The following OR2T33 variants were observed in gnomAD, a reference collection of about 807,000 sequenced individuals.
OR2T33 encodes olfactory receptor 2T33.
Under a neutral mutation model 14.0 loss-of-function variants are expected in OR2T33, and 10 were observed. The observed-to-expected ratio is 0.72, with a 90% CI of 0.44 to 1.22. The LOEUF (loss-of-function observed/expected upper bound fraction) is 1.22, where lower values mean the gene tolerates loss of function less well. Among genes scored for constraint, OR2T33 ranks in the 50% most tolerant of loss-of-function variants. The pLI is 0.00. For synonymous variants in OR2T33, 103 were observed against 159.4 expected (o/e 0.65, Z 2.66); for missense variants, 276 against 405.9 (o/e 0.68, Z 2.75).
chr1:248,277,563 C>T (rs1659461464), intron 1 of OR2T33, among the ~76,000 whole-genome samples: 1 of 152,088 alleles, frequency 6.6e-6, no homozygotes, highest in African/African-American at 2.4e-5. Context: ...TCTGGGTAGA[C>T]ACAGACTGCA....
In OR2T33 at chr1:248,273,019, T is replaced by C. The variant is rs771341885; in HGVS notation, c.796A>G (p.Thr266Ala). 8.7e-6 allele frequency: 14 copies of C among 1,613,900 alleles called. No individual in the cohort carries two copies. In the African/African-American group the frequency reaches 1.3e-4, roughly 15 times the overall value. Residue 266 changes from threonine to alanine, a missense_variant, in exon 2 of 2, where the codon ACT becomes GCT. Thr to Ala is a moderately conservative substitution (Grantham distance 58). Coordinates refer to ENST00000641220, the MANE Select transcript of OR2T33 (RefSeq NM_001004695.2). ...GCTGACACAACCTTGTCATGGTTAG[T>C]GGACCTATGGGATTTGGGTCTCATA... ...TYMRPKSHRS[T>A]NHDKVVSAFY...
chr1:248,275,146 C>T (rs1263652331), intron 1 of OR2T33, among the ~76,000 whole-genome samples: 1 of 152,182 alleles, frequency 6.6e-6, no homozygotes, highest in Non-Finnish European at 1.5e-5. Context: ...TAGACCTCAT[C>T]TCATACACAG....
chr1:248,276,819 G>A (rs1253785198), intron 1 of OR2T33, among the ~76,000 whole-genome samples: 1 of 151,950 alleles, frequency 6.6e-6, no homozygotes, highest in Non-Finnish European at 1.5e-5. Context: ...TCTTCTTTCA[G>A]GTATACAGAG....
chr1:248,276,145 T>C (rs1415354626), intron 1 of OR2T33, among the ~76,000 whole-genome samples: 4 of 152,050 alleles, frequency 2.6e-5, no homozygotes, highest in African/African-American at 9.7e-5. Flanking sequence ...CAGTTCACAA[T>C]AGGACTCACA....
At position 248,273,366 on chromosome 1, in the gene OR2T33, C is replaced by A; in HGVS notation, c.449G>T (p.Gly150Val). 1 of 1,612,148 alleles carries A rather than the reference C, an allele frequency of 6.2e-7. No homozygotes were observed. The highest frequency in any genetic ancestry group is 1.1e-5 in the South Asian group (1 of 90,994). ...LRMTMSCWLL[G>V]AADGLLQAVV... Reference sequence around the variant, plus strand: ...AGCCTGCAGGAGCCCGTCAGCTGCACCCAGGAGCCAACACGACATGGTCAT... The same window carrying A: ...AGCCTGCAGGAGCCCGTCAGCTGCAACCAGGAGCCAACACGACATGGTCAT... Residue 150 changes from glycine to valine, a missense_variant, in exon 2 of 2, where the codon GGT becomes GTT. Transcript: ENST00000641220.
In OR2T33 at chr1:248,273,380, C is replaced by T. The variant is rs755954026; in HGVS notation, c.435G>A (p.Ser145=). 22 of 1,611,226 alleles carry T rather than the reference C, an allele frequency of 1.4e-5. 1 individual carries two copies. The highest frequency in any genetic ancestry group is 8.9e-5 in the East Asian group (4 of 44,828). Residue 145 remains serine, a synonymous_variant, in exon 2 of 2, where the codon TCG becomes TCA. Transcript: ENST00000641220. Reference sequence around the variant, plus strand: ...CGTCAGCTGCACCCAGGAGCCAACACGACATGGTCATCCTCAGGCACAGCT... The same window carrying T: ...CGTCAGCTGCACCCAGGAGCCAACATGACATGGTCATCCTCAGGCACAGCT... The part of the protein sequence containing the change: ...SWQLCLRMTM[S]CWLLGAADGL...
chr1:248,274,006 T>C (rs994977989), intron 1 of OR2T33, among the ~76,000 whole-genome samples, 184 bp from the exon 2 acceptor site: 7 of 152,178 alleles, frequency 4.6e-5, no homozygotes, highest in Non-Finnish European at 8.8e-5. Context: ...GTAGCTCAAC[T>C]TTTTAATGTT....
At position 248,272,117 on chromosome 1, in the gene OR2T33, A is replaced by G. The variant is rs1223870050; in HGVS notation, c.*735T>C. 6.6e-6 allele frequency: 1 copy of G among 152,234 alleles called. No individual in the cohort carries two copies. The highest frequency in any genetic ancestry group is 6.5e-5 in the Admixed American group (1 of 15,280). 9.4% of individuals were successfully genotyped at this position (152,234 alleles called of 1,614,324 possible). A position where few individuals can be genotyped will look rare whatever the true frequency, so the allele number is the denominator to read the frequency against. On this transcript the variant is annotated 3_prime_UTR_variant, in exon 2 of 2. Transcript: ENST00000641220. The stretch of plus-strand genomic sequence containing the variant: ...ATTCAGAGTTCATATCGATGGAGGT[A>G]TGTCAATAAGTCAAGGTAACCTTAA...
intron 1 of OR2T33, 112 bp from the exon 2 acceptor site, chr1:248,273,934 A>T: frequency 1.5e-6 from 2 of 1,351,846 alleles, no homozygotes; most frequent in Non-Finnish European, 1.9e-6. Context: ...TATCCCAGGT[A>T]GTGATTCAAA....
Position 248,272,826 on chromosome 1 carries a change from G to A in OR2T33, c.*26C>T, listed in dbSNP as rs1659389115. The A allele has an allele frequency of 6.4e-7, 1 of 1,568,134 alleles. No homozygotes were observed. Among genetic ancestry groups the A allele is most frequent in the African/African-American group, 1.4e-5 (1 of 72,610 alleles). The stretch of plus-strand genomic sequence containing the variant: ...ATGTGTTAAAATATTAATAAATTCA[G>A]GAACTTAGACTCATTTGACATTAGA... On this transcript the variant is annotated 3_prime_UTR_variant, in exon 2 of 2. Transcript: ENST00000641220.
intron 1 of OR2T33, among the ~76,000 whole-genome samples, chr1:248,275,171 G>C (rs1659433813): frequency 6.6e-6 from 1 of 152,054 alleles, no homozygotes; most frequent in Non-Finnish European, 1.5e-5. Flanking sequence ...TCTCATTCAG[G>C]GCCTTCAGAA....
In OR2T33 at chr1:248,272,653, G is replaced by A. The variant is rs1455673917; in HGVS notation, c.*199C>T. The A allele has an allele frequency of 1.5e-6, 1 of 651,832 alleles. No individual in the cohort carries two copies. Among genetic ancestry groups the A allele is most frequent in the East Asian group, 2.9e-5 (1 of 35,054 alleles). 40.4% of individuals were successfully genotyped at this position (651,832 alleles called of 1,614,324 possible). On this transcript the variant is annotated 3_prime_UTR_variant, in exon 2 of 2. Coordinates refer to ENST00000641220, the MANE Select transcript of OR2T33 (RefSeq NM_001004695.2). ...GTTGTAGGATACAAAGTAATCCATA[G>A]ATACTACTTCACTTGAAGAAAAGTA...
chr1:248,270,205 T>G lies in OR2T33; in HGVS notation c.*2647A>C, dbSNP rs542640053. The G allele has an allele frequency of 3.3e-5, 5 of 151,660 alleles. No homozygotes were observed. The highest frequency in any genetic ancestry group is 3.3e-4 in the Admixed American group (5 of 15,204). 9.4% of individuals were successfully genotyped at this position (151,660 alleles called of 1,614,324 possible). On this transcript the variant is annotated 3_prime_UTR_variant, in exon 2 of 2. Transcript: ENST00000641220. ...AACACAGCATGTTCTCACTCATAGGTGGGAATTGAACAATGAGAACACTTG... is the reference window on the plus strand; with the variant it reads ...AACACAGCATGTTCTCACTCATAGGGGGGAATTGAACAATGAGAACACTTG...
At chr1:248,273,865 T>C (rs1409540015) in intron 1 of OR2T33, 43 bp from the exon 2 acceptor site, 4 of 1,569,762 alleles carry the variant, frequency 2.5e-6, no homozygotes, top group Non-Finnish European at 2.6e-6. Context: ...AGGAAGAGGC[T>C]TTTATGGTCT....
rs1366060248 is a variant in OR2T33, at chr1:248,270,829, C to A, written c.*2023G>T. 3.3e-5 allele frequency: 5 copies of A among 151,830 alleles called. No individual in the cohort carries two copies. The highest frequency in any genetic ancestry group is 5.9e-5 in the Non-Finnish European group (4 of 67,968). The allele number at this position is 151,830 out of a possible 1,614,324, so 9.4% of individuals were successfully genotyped here. On this transcript the variant is annotated 3_prime_UTR_variant, in exon 2 of 2. Transcript: ENST00000641220. The stretch of plus-strand genomic sequence containing the variant: ...CAAAATCTCTGCTCTGAAAAATATA[C>A]CATTAAAATAACAAACAGGCTAGCC...
rs548225355 is a variant in OR2T33, at chr1:248,276,701, T to C, written c.-9+1064A>G. ...AACAAAAATAAATAAACCAGCATCATCCTAAGCTGTGAAAAATTATGATGT... is the reference window on the plus strand; with the variant it reads ...AACAAAAATAAATAAACCAGCATCACCCTAAGCTGTGAAAAATTATGATGT... On this transcript the variant is annotated intron_variant, in intron 1 of 1. Coordinates refer to ENST00000641220, the MANE Select transcript of OR2T33 (RefSeq NM_001004695.2). Among the ~76,000 whole-genome samples, 7 of 152,268 alleles carry C rather than the reference T, an allele frequency of 4.6e-5. No individual in the cohort carries two copies. The East Asian group carries it at 1.3e-3, about 29-fold the overall frequency.
chr1:248,277,639 A>G (rs1659462581), intron 1 of OR2T33, 126 bp downstream of exon 1: 1 of 152,146 alleles, frequency 6.6e-6, no homozygotes, highest in Non-Finnish European at 1.5e-5. Flanking sequence ...TTGTCCCTCA[A>G]CTTTACAAAG....
chr1:248,274,908 G>C (rs973770808), intron 1 of OR2T33, among the ~76,000 whole-genome samples: 1 of 152,124 alleles, frequency 6.6e-6, no homozygotes, highest in African/African-American at 2.4e-5. Flanking sequence ...AAGTAACTGA[G>C]CTAACAAAAA....
chr1:248,272,679 C>T lies in OR2T33; in HGVS notation c.*173G>A. 1 of 857,038 alleles carries T rather than the reference C, an allele frequency of 1.2e-6. No individual in the cohort carries two copies. Among genetic ancestry groups the T allele is most frequent in the Non-Finnish European group, 1.8e-6 (1 of 569,794 alleles). The allele number at this position is 857,038 out of a possible 1,614,324, so 53.1% of individuals were successfully genotyped here. ...ATACTACTTCACTTGAAGAAAAGTA[C>T]ATAAATGCTAAAAATGGTATCTCTC... On this transcript the variant is annotated 3_prime_UTR_variant, in exon 2 of 2. Coordinates refer to ENST00000641220, the MANE Select transcript of OR2T33 (RefSeq NM_001004695.2).
Sources: allele counts gnomAD v4.1 joint callset (sites outside exome capture counted in the v4.1 genomes callset), GRCh38; gene constraint gnomAD v4.1.1; transcripts MANE v1.5; gene names NCBI Gene and HGNC (gene_info 2026-07-23, HGNC 2026-07-21).